The following PTPN13 variants were observed in gnomAD, a reference collection of about 807,000 sequenced individuals.
PTPN13 encodes tyrosine-protein phosphatase non-receptor type 13.
In PTPN13, 191 loss-of-function variants were observed where a neutral mutation model predicts 284.0. The observed-to-expected ratio is 0.67, with a 90% CI of 0.60 to 0.76. The LOEUF (loss-of-function observed/expected upper bound fraction) is 0.76, where lower values mean the gene tolerates loss of function less well. PTPN13 is among the 30% of genes least tolerant of loss of function. The pLI, the probability that PTPN13 is intolerant of heterozygous loss-of-function variation, is 0.00. For missense variants in PTPN13, 2,797 were observed against 2,939.9 expected, an observed-to-expected ratio of 0.95 and a Z score of 1.12; for synonymous variants, 986 against 1,022.3, an observed-to-expected ratio of 0.96 and a Z score of 0.68.
chr4:86,798,686 A>G (rs528321974), intron 41 of PTPN13, among the ~76,000 whole-genome samples: 5 of 152,334 alleles, frequency 3.3e-5, no homozygotes, highest in African/African-American at 1.2e-4. Context: ...TGTTGTAGCA[A>G]AAGGCTATAC....
At chr4:86,644,729 C>T (rs545518450) in intron 2 of PTPN13, among the ~76,000 whole-genome samples, 2 of 152,164 alleles carry the variant, frequency 1.3e-5, no homozygotes, top group Admixed American at 6.5e-5. Flanking sequence ...TTGAATCCAA[C>T]AATATATAAA....
rs886404694 is a variant in PTPN13, at chr4:86,750,392, G to A, written c.2651-78G>A. On this transcript the variant is annotated intron_variant, in intron 17 of 47. Coordinates refer to ENST00000411767, the MANE Select transcript of PTPN13 (RefSeq NM_080683.3). ...TCAAAATGATTAAAAACTGCATGCT[G>A]CTTATTTATTAACATAATTATTCTC... 3.1e-6 allele frequency: 4 copies of A among 1,301,020 alleles called. No individual in the cohort carries two copies. The African/African-American group carries it at 5.9e-5, about 19-fold the overall frequency. The allele number at this position is 1,301,020 out of a possible 1,614,324, so 80.6% of individuals were successfully genotyped here.
intron 7 of PTPN13, 145 bp from the exon 8 acceptor site, chr4:86,716,385 G>A (rs553645982): frequency 9.1e-5 from 52 of 572,716 alleles, no homozygotes; most frequent in Non-Finnish European, 1.3e-4. Context: ...TTATTGGAAC[G>A]CATTATTTGA....
intron 1 of PTPN13, among the ~76,000 whole-genome samples, chr4:86,597,801 G>T (rs1763953973): frequency 6.6e-6 from 1 of 152,184 alleles, no homozygotes; most frequent in African/African-American, 2.4e-5. Context: ...ATAGAGGCTG[G>T]TGTAGATTTA....
At chr4:86,657,578 C>A (rs914119715) in intron 2 of PTPN13, among the ~76,000 whole-genome samples, 5 of 152,056 alleles carry the variant, frequency 3.3e-5, no homozygotes, top group African/African-American at 1.2e-4. Flanking sequence ...ACTACAGAGT[C>A]TCACCTGAAG....
chr4:86,638,412 T>C (rs2148739691), intron 2 of PTPN13, among the ~76,000 whole-genome samples: 1 of 152,290 alleles, frequency 6.6e-6, no homozygotes. Flanking sequence ...GGCATCACGC[T>C]ACCTGACTTC....
In PTPN13 at chr4:86,766,507, A is replaced by G; in HGVS notation, c.4319A>G (p.Asn1440Ser). 2.5e-6 allele frequency: 4 copies of G among 1,604,870 alleles called. No individual in the cohort carries two copies. The highest frequency in any genetic ancestry group is 3.4e-6 in the Non-Finnish European group (4 of 1,176,386). Residue 1440 changes from asparagine to serine, a missense_variant, in exon 27 of 48, where the codon AAT (asparagine) becomes AGT (serine). Physicochemically the swap from Asn to Ser is conservative, Grantham distance 46 (BLOSUM62 1). Coordinates refer to ENST00000411767, the MANE Select transcript of PTPN13 (RefSeq NM_080683.3). ...AAGCAAGCTGTGGAAACACTGAGAA[A>G]TACAGGACAGGTAACAGATCATTAT... The part of the protein sequence containing the change: ...THKQAVETLR[N>S]TGQVVHLLLE...
At chr4:86,737,976 C>T (rs1735723654) in intron 15 of PTPN13, among the ~76,000 whole-genome samples, 1 of 152,190 alleles carries the variant, frequency 6.6e-6, no homozygotes, top group Admixed American at 6.5e-5. Flanking sequence ...GATCCGCCCA[C>T]CTTGGCCTCC....
chr4:86,799,861 A>G (rs1236662632), intron 42 of PTPN13, among the ~76,000 whole-genome samples: 1 of 114,288 alleles, frequency 8.7e-6, no homozygotes, highest in Non-Finnish European at 1.7e-5. Flanking sequence ...TTTGAGACAG[A>G]GTCTCTCTCT....
intron 15 of PTPN13, among the ~76,000 whole-genome samples, chr4:86,740,542 C>A (rs1231386040): frequency 6.6e-6 from 1 of 152,124 alleles, no homozygotes; most frequent in African/African-American, 2.4e-5. Context: ...ACCATTTTTT[C>A]CTCCTAAACC....
intron 1 of PTPN13, among the ~76,000 whole-genome samples, chr4:86,600,922 T>G (rs1349028792): frequency 6.6e-6 from 1 of 152,152 alleles, no homozygotes; most frequent in Non-Finnish European, 1.5e-5. Flanking sequence ...TTTTTAATGA[T>G]AAATTCCCTT....
intron 47 of PTPN13, 62 bp from the exon 48 acceptor site, chr4:86,814,392 CTA>C (rs995540304): frequency 2.4e-4 from 252 of 1,061,648 alleles, no homozygotes; most frequent in Middle Eastern, 2.9e-4. Flanking sequence ...AGTGGTATAG[CTA>C]TATATATATA....
chr4:86,785,146 C>T, intron 38 of PTPN13, 85 bp from the exon 39 acceptor site: 1 of 1,044,328 alleles, frequency 9.6e-7, no homozygotes, highest in Non-Finnish European at 1.3e-6. Flanking sequence ...TTTGAAAGCA[C>T]CTAGCAAATT....
intron 6 of PTPN13, among the ~76,000 whole-genome samples, chr4:86,700,157 G>A (rs1432002783): frequency 6.6e-6 from 1 of 151,944 alleles, no homozygotes; most frequent in Non-Finnish European, 1.5e-5. Context: ...TTGTGTTCAG[G>A]GAATTAAAGC....
At chr4:86,730,283 A>G (rs1734784814) in intron 10 of PTPN13, among the ~76,000 whole-genome samples, 1 of 149,410 alleles carries the variant, frequency 6.7e-6, no homozygotes, top group Admixed American at 6.7e-5. Context: ...TACAGGGGTC[A>G]TGGACCCATT....
chr4:86,643,820 C>T (rs1357270199), intron 2 of PTPN13, among the ~76,000 whole-genome samples: 2 of 152,110 alleles, frequency 1.3e-5, no homozygotes, highest in Non-Finnish European at 2.9e-5. Flanking sequence ...AATAATGTAA[C>T]TATTTTAAAG....
intron 40 of PTPN13, among the ~76,000 whole-genome samples, chr4:86,794,629 A>C (rs902248719): frequency 3.3e-5 from 5 of 152,142 alleles, no homozygotes; most frequent in Non-Finnish European, 7.4e-5. Context: ...GAGGCATCAC[A>C]CTACCTGACT....
chr4:86,636,074 T>C (rs1483208383), intron 2 of PTPN13, among the ~76,000 whole-genome samples: 1 of 152,110 alleles, frequency 6.6e-6, no homozygotes, highest in East Asian at 1.9e-4. Context: ...AGTGACTCTC[T>C]GAGAACTCAT....
intron 2 of PTPN13, among the ~76,000 whole-genome samples, chr4:86,665,933 A>G (rs1004963537): frequency 1.3e-5 from 2 of 152,188 alleles, no homozygotes; most frequent in African/African-American, 4.8e-5. Flanking sequence ...ATTAGATAAT[A>G]ATAGTCACCA....
Sources: allele counts gnomAD v4.1 joint callset (sites outside exome capture counted in the v4.1 genomes callset), GRCh38; gene constraint gnomAD v4.1.1; transcripts MANE v1.5; gene names NCBI Gene and HGNC (gene_info 2026-07-23, HGNC 2026-07-21).